The following ADGRG2 variants were observed in gnomAD, a reference collection of about 807,000 sequenced individuals.
ADGRG2 encodes the protein G protein-coupled receptor 64.
ADGRG2 carries 26 observed loss-of-function variants against 74.1 expected under a neutral mutation model. That is an observed-to-expected ratio of 0.35 (90% CI 0.26 to 0.49). The LOEUF (loss-of-function observed/expected upper bound fraction) is 0.49, where lower values mean the gene tolerates loss of function less well. Among genes scored for constraint, ADGRG2 ranks in the 20% least tolerant of loss-of-function variants. ADGRG2 has a pLI of 0.99. For synonymous variants in ADGRG2, 296 were observed against 295.2 expected, an observed-to-expected ratio of 1.00 and a Z score of -0.03; for missense variants, 619 against 763.1, an observed-to-expected ratio of 0.81 and a Z score of 2.22.
At chrX:19,041,952 G>A (rs1801669165) in intron 3 of ADGRG2, among the ~76,000 whole-genome samples, 1 of 110,648 alleles carries the variant, frequency 9.0e-6, no homozygotes, top group Non-Finnish European at 1.9e-5. Context: ...TGGGACCATA[G>A]GTACGCACCA....
intron 1 of ADGRG2, among the ~76,000 whole-genome samples, chrX:19,117,136 A>G (rs995765646): frequency 9.4e-6 from 1 of 105,965 alleles, no homozygotes; most frequent in Admixed American, 1.0e-4. Flanking sequence ...CTAAAAATAC[A>G]AAAAAAAAAT....
At chrX:19,006,333 A>T in intron 20 of ADGRG2, 68 bp from the exon 21 acceptor site, 1 of 754,445 alleles carries the variant, frequency 1.3e-6, no homozygotes, top group South Asian at 2.3e-5. Flanking sequence ...CAAAACTGAA[A>T]GGTATTTGAA....
chrX:19,058,206 A>G (rs1569113520), intron 3 of ADGRG2, among the ~76,000 whole-genome samples: 1 of 111,911 alleles, frequency 8.9e-6, no homozygotes, highest in Non-Finnish European at 1.9e-5. Context: ...CGGGGGTTAT[A>G]GCAGGGAATA....
At chrX:19,060,000 C>T (rs192160129) in intron 3 of ADGRG2, among the ~76,000 whole-genome samples, 68 of 111,501 alleles carry the variant, frequency 6.1e-4, no homozygotes, top group Non-Finnish European at 9.6e-4. Context: ...GGCGTGGTGC[C>T]GCGAGCCTGT....
In ADGRG2 at chrX:18,997,930, C is replaced by A. The variant is rs555464554; in HGVS notation, c.2614+1066G>T. Among the ~76,000 whole-genome samples the A allele has an allele frequency of 5.3e-5, 6 of 112,779 alleles. No homozygotes were observed. In the South Asian group the frequency reaches 1.8e-3, roughly 34 times the overall value. ...TGAATTATTGTTATTGTAATGTAAA[C>A]CTAATAGCCTGCTGGGCTTTTAATG... On this transcript the variant is annotated intron_variant, in intron 26 of 28. Coordinates refer to ENST00000379869, the MANE Select transcript of ADGRG2 (RefSeq NM_001079858.3).
intron 15 of ADGRG2, among the ~76,000 whole-genome samples, chrX:19,019,308 T>C (rs1372031646): frequency 8.9e-6 from 1 of 112,101 alleles, no homozygotes; most frequent in Non-Finnish European, 1.9e-5. Flanking sequence ...TGAGCTACCA[T>C]TTCTCACCTA....
At chrX:19,034,915 CAGAG>C (rs2060906708) in intron 7 of ADGRG2, 1 of 108,330 alleles carries the variant, frequency 9.2e-6, no homozygotes, top group Admixed American at 9.9e-5. Flanking sequence ...GCCTGGATGA[CAGAG>C]AGAGACTCCG....
chrX:19,029,133 A>G (rs1304911033), intron 9 of ADGRG2, among the ~76,000 whole-genome samples: 1 of 111,760 alleles, frequency 8.9e-6, no homozygotes, highest in Non-Finnish European at 1.9e-5. Flanking sequence ...AAAATGGCCA[A>G]GAAGGCACTA....
intron 1 of ADGRG2, among the ~76,000 whole-genome samples, chrX:19,103,341 C>T (rs186254124): frequency 3.6e-5 from 4 of 111,853 alleles, no homozygotes; most frequent in Admixed American, 9.5e-5. Context: ...CTCTCAGTTC[C>T]GGGAATTCCC....
At chrX:19,091,062 A>G (rs1458178) in intron 1 of ADGRG2, among the ~76,000 whole-genome samples, 42,509 of 109,711 alleles carry the variant, frequency 0.39, 7,935 homozygotes, top group African/African-American at 0.73. Context: ...AGAGGAAGTA[A>G]TATGTGCAAA....
At chrX:19,028,933 T>C (rs1291237868) in intron 9 of ADGRG2, among the ~76,000 whole-genome samples, 1 of 112,133 alleles carries the variant, frequency 8.9e-6, no homozygotes, top group Non-Finnish European at 1.9e-5. Context: ...AACTCTGCCA[T>C]TGTAGCATGA....
chrX:19,082,161 C>T (rs1282187454), intron 2 of ADGRG2, among the ~76,000 whole-genome samples: 2 of 108,478 alleles, frequency 1.8e-5, no homozygotes, highest in Non-Finnish European at 3.8e-5. Context: ...AAAGTAGCGG[C>T]TTCAGAATTT....
rs777290651 is a variant in ADGRG2 at position 19,080,686 on chromosome X, G to C, written c.-2+2016C>G. 7.2e-5 allele frequency among the ~76,000 whole-genome samples: 8 copies of C among 110,496 alleles called. No individual in the cohort carries two copies. The South Asian group carries it at 3.1e-3, about 43-fold the overall frequency. On this transcript the variant is annotated intron_variant, in intron 2 of 28. Coordinates refer to ENST00000379869, the MANE Select transcript of ADGRG2 (RefSeq NM_001079858.3). Reference sequence around the variant, plus strand: ...TTTGGGTTTCTTTTATTGTTTTTTGGTTGTTGCTGTTGTTTGCTTGTTTTT... The same window carrying C: ...TTTGGGTTTCTTTTATTGTTTTTTGCTTGTTGCTGTTGTTTGCTTGTTTTT...
In ADGRG2 at chrX:18,997,254, A is replaced by T. The variant is rs767354837; in HGVS notation, c.2615-1102T>A. On this transcript the variant is annotated intron_variant, in intron 26 of 28. Coordinates refer to ENST00000379869, the MANE Select transcript of ADGRG2 (RefSeq NM_001079858.3). ...GTATAAGAGAGGCCAAAATCAGAAG[A>T]TATATATATATTCAACCACCCCAAA... Among the ~76,000 whole-genome samples, 4 of 110,208 alleles carry T rather than the reference A, an allele frequency of 3.6e-5. No homozygotes were observed. The South Asian group carries it at 1.1e-3, about 31-fold the overall frequency.
chrX:19,115,469 G>A (rs886985739), intron 1 of ADGRG2, among the ~76,000 whole-genome samples: 1 of 112,024 alleles, frequency 8.9e-6, no homozygotes, highest in African/African-American at 3.2e-5. Flanking sequence ...GGTAAGTGGG[G>A]AGTACGGTTT....
At chrX:19,041,231 G>A (rs1224944732) in intron 3 of ADGRG2, among the ~76,000 whole-genome samples, 3 of 111,787 alleles carry the variant, frequency 2.7e-5, no homozygotes, top group Non-Finnish European at 5.6e-5. Context: ...GCATTTTGGT[G>A]TGTATGATTT....
At chrX:19,023,539 C>T in intron 12 of ADGRG2, 86 bp from the exon 13 acceptor site, 1 of 553,718 alleles carries the variant, frequency 1.8e-6, no homozygotes. Flanking sequence ...AGGCTAATCA[C>T]AGAATTTTAG....
chrX:19,100,591 C>G (rs2062170910), intron 1 of ADGRG2, among the ~76,000 whole-genome samples: 1 of 113,473 alleles, frequency 8.8e-6, no homozygotes, highest in Admixed American at 9.3e-5. Flanking sequence ...CACCATCTAA[C>G]TGACCGTGTA....
chrX:19,080,767 C>T (rs1339159757), intron 2 of ADGRG2, among the ~76,000 whole-genome samples: 9 of 110,269 alleles, frequency 8.2e-5, no homozygotes, highest in Non-Finnish European at 1.5e-4. Flanking sequence ...ACAATCTCGG[C>T]TTGCTGCAAC....
Sources: gnomAD v4.1 joint callset for allele counts (sites outside exome capture counted in the v4.1 genomes callset) on GRCh38, gnomAD v4.1.1 for gene constraint, MANE v1.5 for transcripts, NCBI Gene and HGNC (gene_info 2026-07-23, HGNC 2026-07-21) for gene names.